ARHGEF11: variants seen among roughly 807,000 people sequenced by gnomAD.
ARHGEF11 encodes the protein Rho guanine nucleotide exchange factor 11, also known as Rho guanine exchange factor (GEF) 11.
A neutral mutation model predicts 193.7 loss-of-function variants in ARHGEF11; 55 were observed. The ratio of observed to expected loss-of-function variants is 0.28; its 90% confidence interval spans 0.23 to 0.36. The LOEUF (loss-of-function observed/expected upper bound fraction) is 0.36. ARHGEF11 is among the 10% of genes least tolerant of loss of function. The probability of loss-of-function intolerance (pLI) is 1.00; values close to 1 mark genes in which losing one functional copy is unlikely to be tolerated. For synonymous variants in ARHGEF11, 693 were observed against 768.0 expected (o/e 0.90, Z 1.62); for missense variants, 1,723 against 2,005.6 (o/e 0.86, Z 2.69).
intron 1 of ARHGEF11, among the ~76,000 whole-genome samples, chr1:157,013,290 C>CACACACACACACACAT (rs1483329348): frequency 6.6e-6 from 1 of 150,758 alleles, no homozygotes; most frequent in South Asian, 2.2e-4. Flanking sequence ...CACACACACA[C>CACACACACACACACAT]ACACACACAC....
intron 11 of ARHGEF11, among the ~76,000 whole-genome samples, chr1:156,965,855 G>A (rs1190445912): frequency 1.3e-5 from 2 of 152,156 alleles, no homozygotes; most frequent in African/African-American, 4.8e-5. Context: ...TGAAACTTCA[G>A]CTTCAAGAAA....
chr1:156,958,789 T>C lies in ARHGEF11; in HGVS notation c.1455A>G (p.Arg485=). 1 of 1,614,130 alleles carries C rather than the reference T, an allele frequency of 6.2e-7. No homozygotes were observed. The highest frequency in any genetic ancestry group is 8.5e-7 in the Non-Finnish European group (1 of 1,180,022). Residue 485 remains arginine, a synonymous_variant, in exon 17 of 41, where the codon CGA becomes CGG. Transcript: ENST00000368194. The part of the protein sequence containing the change: ...DLLDLDGDPL[R]ERQVAEKQLA... Reference sequence around the variant, plus strand: ...GCTGCTTCTCAGCCACTTGGCGCTCTCGGAGAGGGTCCCCATCCAGGTCCA... The same window carrying C: ...GCTGCTTCTCAGCCACTTGGCGCTCCCGGAGAGGGTCCCCATCCAGGTCCA...
At chr1:157,001,172 C>G (rs1009287551) in intron 1 of ARHGEF11, among the ~76,000 whole-genome samples, 1 of 152,168 alleles carries the variant, frequency 6.6e-6, no homozygotes, top group Non-Finnish European at 1.5e-5. Context: ...AAGAAACTCA[C>G]GTATTCTACC....
At chr1:156,936,496 AAATAT>A (rs1314446870) in intron 40 of ARHGEF11, among the ~76,000 whole-genome samples, 39 of 77,738 alleles carry the variant, frequency 5.0e-4, no homozygotes, top group African/African-American at 2.1e-3. Context: ...AAAAAAAAAA[AAATAT>A]ATATATATAT....
Position 156,956,564 on chromosome 1 carries a change from G to GCC in ARHGEF11, c.1527-1_1527insGG (p.Ser509ArgfsTer13). 6.2e-7 allele frequency: 1 copy of GCC among 1,614,060 alleles called. No homozygotes were observed. Among genetic ancestry groups the GCC allele is most frequent in the Non-Finnish European group, 8.5e-7 (1 of 1,179,944 alleles). On this transcript the variant is annotated frameshift_variant and splice_region_variant. Coordinates refer to ENST00000368194, the MANE Select transcript of ARHGEF11 (RefSeq NM_198236.3). LOFTEE classifies it high-confidence loss of function. ...TATTGAGGGCGAAGTCCATGGGGGC[G>GCC]CTGTAAAAGAGGAACAGTGTCCTGA... is the stretch of plus-strand genomic sequence containing the variant.
intron 1 of ARHGEF11, among the ~76,000 whole-genome samples, chr1:157,014,687 G>A (rs1668985935): frequency 6.6e-6 from 1 of 152,054 alleles, no homozygotes; most frequent in African/African-American, 2.4e-5. Context: ...CTGCAATCTG[G>A]CTTCTGCCTC....
At chr1:156,958,028 T>C (rs1660222828) in intron 17 of ARHGEF11, among the ~76,000 whole-genome samples, 1 of 152,336 alleles carries the variant, frequency 6.6e-6, no homozygotes, top group East Asian at 1.9e-4. Flanking sequence ...AGAGACTGCA[T>C]AGGTTTCATC....
Position 156,939,132 on chromosome 1 carries a change from T to C in ARHGEF11, c.4096+416A>G, listed in dbSNP as rs540884791. The C allele has an allele frequency of 1.2e-5, 3 of 245,458 alleles. No individual in the cohort carries two copies. The South Asian group carries it at 1.5e-4, about 13-fold the overall frequency. The allele number at this position is 245,458 out of a possible 1,614,324, so 15.2% of individuals were successfully genotyped here. On this transcript the variant is annotated intron_variant, in intron 37 of 40. Transcript: ENST00000368194. ...CTGCCCTTGGAGCTGTTGCCTGGCG[T>C]GAGGGGCTGCATGCACCTGCCCTGT...
chr1:156,976,571 G>C (rs1455890125), intron 7 of ARHGEF11, among the ~76,000 whole-genome samples: 1 of 152,090 alleles, frequency 6.6e-6, no homozygotes. Context: ...TCTTCTTACT[G>C]TTCTCTGTGC....
At chr1:157,017,834 T>A (rs977891923) in intron 1 of ARHGEF11, among the ~76,000 whole-genome samples, 3 of 151,968 alleles carry the variant, frequency 2.0e-5, no homozygotes, top group Non-Finnish European at 2.9e-5. Context: ...CAAGAAGTTC[T>A]AAAATCCTGA....
chr1:156,983,313 A>G (rs1209974329), intron 3 of ARHGEF11, among the ~76,000 whole-genome samples: 1 of 152,060 alleles, frequency 6.6e-6, no homozygotes, highest in Non-Finnish European at 1.5e-5. Flanking sequence ...AGCTCCGGCC[A>G]CGGGTTCATG....
In ARHGEF11 at chr1:156,945,207, T is replaced by C. The variant is rs1348066574; in HGVS notation, c.2813-10A>G. 3 of 1,611,796 alleles carry C rather than the reference T, an allele frequency of 1.9e-6. No individual in the cohort carries two copies. Among genetic ancestry groups the C allele is most frequent in the Non-Finnish European group, 2.5e-6 (3 of 1,178,638 alleles). ...TGCTCAGAGGTGCCACCTACCAAAA[T>C]GGACAGAAGAGATGGTTGGGGCTCC... On this transcript the variant is annotated splice_polypyrimidine_tract_variant and intron_variant, in intron 29 of 40. Coordinates refer to ENST00000368194, the MANE Select transcript of ARHGEF11 (RefSeq NM_198236.3).
chr1:156,984,629 A>G (rs1167673733), intron 2 of ARHGEF11, among the ~76,000 whole-genome samples, 192 bp from the exon 3 acceptor site: 4 of 152,198 alleles, frequency 2.6e-5, no homozygotes, highest in Admixed American at 1.3e-4. Flanking sequence ...GGCAAAACCT[A>G]TAACTTAACT....
intron 29 of ARHGEF11, 160 bp downstream of exon 29, chr1:156,945,885 T>C: frequency 1.6e-6 from 1 of 606,440 alleles, no homozygotes; most frequent in South Asian, 2.1e-5. Flanking sequence ...AAAGGACATT[T>C]ACAATCATTT....
At chr1:156,982,994 A>AT (rs1373510736) in intron 3 of ARHGEF11, among the ~76,000 whole-genome samples, 27 of 152,132 alleles carry the variant, frequency 1.8e-4, no homozygotes, top group Admixed American at 1.2e-3. Flanking sequence ...TCCTGTGAAC[A>AT]TATCTCATAT....
intron 7 of ARHGEF11, among the ~76,000 whole-genome samples, chr1:156,976,595 G>A (rs552641802): frequency 6.6e-6 from 1 of 152,172 alleles, no homozygotes; most frequent in Admixed American, 6.5e-5. Context: ...TCACTTCCTA[G>A]GCCTGTAAAC....
At chr1:157,036,055 GAATA>G (rs1034003205) in intron 1 of ARHGEF11, among the ~76,000 whole-genome samples, 9 of 133,242 alleles carry the variant, frequency 6.8e-5, no homozygotes, top group African/African-American at 8.4e-5. Flanking sequence ...ATCTATATAG[GAATA>G]TATATATGAA....
chr1:157,041,883 A>G (rs766335836), intron 1 of ARHGEF11, among the ~76,000 whole-genome samples: 5 of 152,054 alleles, frequency 3.3e-5, no homozygotes. Flanking sequence ...TGTACACCTT[A>G]ATTTTCTAAA....
intron 40 of ARHGEF11, among the ~76,000 whole-genome samples, chr1:156,936,480 G>GAAAAAAAAAAAAAAAA (rs35863393): frequency 2.1e-5 from 1 of 48,022 alleles, no homozygotes; most frequent in African/African-American, 1.2e-4. Flanking sequence ...CAAATAAATA[G>GAAAAAAAAAAAAAAAA]AAAAAAAAAA....
Sources: allele counts gnomAD v4.1 joint callset (sites outside exome capture counted in the v4.1 genomes callset), GRCh38; gene constraint gnomAD v4.1.1; transcripts MANE v1.5; gene names NCBI Gene and HGNC (gene_info 2026-07-23, HGNC 2026-07-21).